TIA1: variants seen among roughly 807,000 people sequenced by gnomAD.
The protein encoded by TIA1 is TIA1 cytotoxic granule associated RNA binding protein.
Under a neutral mutation model 65.9 loss-of-function variants are expected in TIA1, and 23 were observed. The ratio of observed to expected loss-of-function variants is 0.35; its 90% CI spans 0.25 to 0.49. The LOEUF (loss-of-function observed/expected upper bound fraction) is 0.49, where lower values mean the gene tolerates loss of function less well. Among genes scored for constraint, TIA1 ranks in the 20% least tolerant of loss-of-function variants. TIA1 has a pLI of 0.98. For missense variants in TIA1, 371 were observed against 477.9 expected, an observed-to-expected ratio of 0.78 and a Z score of 2.09; for synonymous variants, 147 against 149.4, an observed-to-expected ratio of 0.98 and a Z score of 0.12.
At chr2:70,248,288 A>C (rs936215101) in intron 1 of TIA1, 117 bp downstream of exon 1, 8 of 1,282,278 alleles carry the variant, frequency 6.2e-6, no homozygotes, top group African/African-American at 6.0e-5. Context: ...CTAAGGAAAC[A>C]AAAACCACGA....
rs1449673395 is a variant in TIA1, at chr2:70,209,917, A to C, written c.*2802T>G. ...AAATGGAATAGAACTATAACACACA[A>C]ATAAAAGGAAGATGTACAAGCACAG... On this transcript the variant is annotated 3_prime_UTR_variant, in exon 13 of 13. Coordinates refer to ENST00000433529, the MANE Select transcript of TIA1 (RefSeq NM_022173.4). 1.8e-5 allele frequency: 7 copies of C among 390,958 alleles called. No homozygotes were observed. 24.2% of individuals were successfully genotyped at this position (390,958 alleles called of 1,614,324 possible).
Position 70,210,891 on chromosome 2 carries a change from TAC to T in TIA1, c.*1826_*1827del, listed in dbSNP as rs1301667714. On this transcript the variant is annotated 3_prime_UTR_variant, in exon 13 of 13. Transcript: ENST00000433529. Reference sequence around the variant, plus strand: ...CTTTTAATGTATCAACACTTAAAAATACACAGTGACTTAATGAAATATCAGCA... The same window carrying T: ...CTTTTAATGTATCAACACTTAAAAATACAGTGACTTAATGAAATATCAGCA... The T allele has an allele frequency of 6.6e-6, 1 of 152,196 alleles. No homozygotes were observed. Among genetic ancestry groups the T allele is most frequent in the Non-Finnish European group, 1.5e-5 (1 of 68,032 alleles). 9.4% of individuals were successfully genotyped at this position (152,196 alleles called of 1,614,324 possible).
intron 1 of TIA1, among the ~76,000 whole-genome samples, chr2:70,241,755 C>A (rs1376212575): frequency 6.6e-6 from 1 of 151,954 alleles, no homozygotes; most frequent in Non-Finnish European, 1.5e-5. Flanking sequence ...GCTAGGGCAA[C>A]ATAGTGATAT....
chr2:70,236,388 G>A (rs879780857), intron 1 of TIA1, among the ~76,000 whole-genome samples: 10 of 151,834 alleles, frequency 6.6e-5, no homozygotes, highest in Non-Finnish European at 1.0e-4. Context: ...TAGTAGAGAC[G>A]GGGTTTCTCC....
chr2:70,214,448 C>T lies in TIA1; in HGVS notation c.935G>A (p.Trp312Ter). ...GCCAATTTGTTGTGCATTTCCATAC[C>T]ACTGGCCCCACTGGCCATAAGGTTG... Reference protein sequence around the residue: ...YPQPYGQWGQWYGNAQQIGQY... With the variant: ...YPQPYGQWGQ The change falls in exon 12 of 13, where the codon TGG (tryptophan) becomes TAG (stop). Residue 312 changes from tryptophan (W) to a stop codon, truncating the protein, a stop_gained. Coordinates refer to ENST00000433529, the MANE Select transcript of TIA1 (RefSeq NM_022173.4). LOFTEE classifies it high-confidence loss of function. 6.2e-7 allele frequency: 1 copy of T among 1,613,610 alleles called. No homozygotes were observed. The highest frequency in any genetic ancestry group is 8.5e-7 in the Non-Finnish European group (1 of 1,179,870).
At chr2:70,228,943 A>C in intron 5 of TIA1, 116 bp downstream of exon 5, 1 of 1,435,398 alleles carries the variant, frequency 7.0e-7, no homozygotes, top group Non-Finnish European at 9.3e-7. Flanking sequence ...AGAGAGACAA[A>C]TAGAAATAAT....
chr2:70,234,971 G>T (rs1450170037), intron 2 of TIA1, among the ~76,000 whole-genome samples: 2 of 152,046 alleles, frequency 1.3e-5, no homozygotes, highest in Non-Finnish European at 2.9e-5. Flanking sequence ...CTGGAGAAAA[G>T]AAAACTGAAA....
At chr2:70,216,006 C>G (rs887518357) in intron 10 of TIA1, 12 of 531,920 alleles carry the variant, frequency 2.3e-5, no homozygotes, top group Non-Finnish European at 3.9e-5. Flanking sequence ...CCCGTCTCGG[C>G]CTCCCAAAGT....
intron 1 of TIA1, among the ~76,000 whole-genome samples, chr2:70,247,820 T>TAC (rs2104830674): frequency 6.6e-6 from 1 of 152,088 alleles, no homozygotes; most frequent in Admixed American, 6.6e-5. Flanking sequence ...CGGTGGGTGC[T>TAC]ACAGAAGGAA....
intron 6 of TIA1, 79 bp from the exon 7 acceptor site, chr2:70,224,708 T>G (rs1204847860): frequency 6.4e-7 from 1 of 1,556,208 alleles, no homozygotes; most frequent in Non-Finnish European, 8.7e-7. Context: ...ACACAACTCA[T>G]TCTCATGTTT....
intron 1 of TIA1, among the ~76,000 whole-genome samples, chr2:70,241,545 T>G (rs536956937): frequency 1.3e-5 from 2 of 152,334 alleles, no homozygotes; most frequent in South Asian, 2.1e-4. Flanking sequence ...ATCTTCCTCT[T>G]CCTGAGTGTG....
At chr2:70,226,756 C>T (rs1012444321) in intron 6 of TIA1, among the ~76,000 whole-genome samples, 6 of 152,098 alleles carry the variant, frequency 3.9e-5, no homozygotes, top group African/African-American at 1.4e-4. Flanking sequence ...GAAAGCTGTA[C>T]TTATTTTCCT....
At chr2:70,214,240 G>A (rs907481452) in intron 12 of TIA1, 109 bp downstream of exon 12, 9 of 1,196,704 alleles carry the variant, frequency 7.5e-6, no homozygotes, top group East Asian at 2.5e-5. Context: ...CTATAGTTAC[G>A]CTTTACATAA....
Position 70,245,985 on chromosome 2 carries a change from G to A in TIA1, c.26+2420C>T, listed in dbSNP as rs184003358. 2.3e-3 allele frequency among the ~76,000 whole-genome samples: 334 copies of A among 146,638 alleles called. 5 individuals carry two copies. Among genetic ancestry groups the A allele is most frequent in the Non-Finnish European group, 1.1e-3 (76 of 67,460 alleles). On this transcript the variant is annotated intron_variant, in intron 1 of 12. Coordinates refer to ENST00000433529, the MANE Select transcript of TIA1 (RefSeq NM_022173.4). Reference sequence around the variant, plus strand: ...GTTGCACAGGCTGGAGTGCAATGGCGCAACCTCGGCTCACTGCAACCTCCA... The same window carrying A: ...GTTGCACAGGCTGGAGTGCAATGGCACAACCTCGGCTCACTGCAACCTCCA...
At chr2:70,248,182 T>C (rs180950146) in intron 1 of TIA1, among the ~76,000 whole-genome samples, 48 of 152,324 alleles carry the variant, frequency 3.2e-4, no homozygotes, top group African/African-American at 1.0e-3. Flanking sequence ...GCAATGGTGT[T>C]GCTAAAGTGA....
chr2:70,222,247 A>C (rs1681768809), intron 7 of TIA1, among the ~76,000 whole-genome samples: 1 of 152,174 alleles, frequency 6.6e-6, no homozygotes, highest in South Asian at 2.1e-4. Flanking sequence ...CTTTGACAGG[A>C]AGGACCTTTC....
chr2:70,222,306 T>C (rs923006750), intron 7 of TIA1, among the ~76,000 whole-genome samples: 9 of 152,168 alleles, frequency 5.9e-5, no homozygotes, highest in African/African-American at 1.7e-4. Context: ...TTATGTAAGT[T>C]TGGTGGTTGA....
chr2:70,226,706 T>A (rs1683971230), intron 6 of TIA1, among the ~76,000 whole-genome samples: 1 of 152,154 alleles, frequency 6.6e-6, no homozygotes, highest in African/African-American at 2.4e-5. Context: ...TAATTATTAT[T>A]GAAACTCTAA....
chr2:70,219,117 G>A (rs1260243358), intron 7 of TIA1, among the ~76,000 whole-genome samples: 1 of 152,198 alleles, frequency 6.6e-6, no homozygotes. Context: ...AATGTGGAAC[G>A]CAGAGAAGTA....
Sources: gnomAD v4.1 joint callset for allele counts (sites outside exome capture counted in the v4.1 genomes callset) on GRCh38, gnomAD v4.1.1 for gene constraint, MANE v1.5 for transcripts, NCBI Gene and HGNC (gene_info 2026-07-23, HGNC 2026-07-21) for gene names.